CILK1: variants seen among roughly 807,000 people sequenced by gnomAD.
CILK1 encodes ciliogenesis associated kinase 1, also known as serine/threonine-protein kinase ICK.
Under a neutral mutation model 79.2 loss-of-function variants are expected in CILK1, and 47 were observed. The ratio of observed to expected loss-of-function variants is 0.59; its 90% CI spans 0.47 to 0.76. The LOEUF (loss-of-function observed/expected upper bound fraction) is 0.76, where lower values mean the gene tolerates loss of function less well. CILK1 is among the 30% of genes least tolerant of loss of function. The pLI, the probability that CILK1 is intolerant of heterozygous loss-of-function variation, is 0.00. For synonymous variants in CILK1, 266 were observed against 275.9 expected, an observed-to-expected ratio of 0.96 and a Z score of 0.36; for missense variants, 660 against 769.5, an observed-to-expected ratio of 0.86 and a Z score of 1.68.
intron 11 of CILK1, among the ~76,000 whole-genome samples, chr6:53,009,772 T>C (rs1031772606): frequency 1.3e-5 from 2 of 152,234 alleles, no homozygotes; most frequent in Non-Finnish European, 2.9e-5. Flanking sequence ...AGGCCTCTTA[T>C]GCTTCTAAGA....
At chr6:53,024,667 A>G (rs768260513) in intron 5 of CILK1, among the ~76,000 whole-genome samples, 1 of 152,182 alleles carries the variant, frequency 6.6e-6, no homozygotes, top group Non-Finnish European at 1.5e-5. Flanking sequence ...AAAACATTCC[A>G]GTGAAAAAAA....
intron 5 of CILK1, among the ~76,000 whole-genome samples, chr6:53,028,537 G>A (rs547731073): frequency 8.5e-5 from 13 of 152,200 alleles, no homozygotes; most frequent in South Asian, 8.3e-4. Flanking sequence ...ACACCTATTC[G>A]TTCTACCTGA....
At chr6:53,022,253 G>A (rs1271327819) in intron 5 of CILK1, among the ~76,000 whole-genome samples, 1 of 152,114 alleles carries the variant, frequency 6.6e-6, no homozygotes, top group African/African-American at 2.4e-5. Context: ...TGTTTATAAA[G>A]TGTCCTAGAC....
intron 7 of CILK1, among the ~76,000 whole-genome samples, chr6:53,017,901 T>C (rs1764987097): frequency 6.6e-6 from 1 of 152,034 alleles, no homozygotes; most frequent in African/African-American, 2.4e-5. Context: ...AGGAAGCTAG[T>C]AGGGTGTTAA....
At position 53,061,771 on chromosome 6, in the gene CILK1, A is replaced by C. The variant is rs1031536504; in HGVS notation, c.-348T>G. 6 of 152,412 alleles carry C rather than the reference A, an allele frequency of 3.9e-5. No individual in the cohort carries two copies. In the East Asian group the frequency reaches 5.8e-4, roughly 15 times the overall value. The allele number at this position is 152,412 out of a possible 1,614,324, so 9.4% of individuals were successfully genotyped here. On this transcript the variant is annotated 5_prime_UTR_variant, in exon 1 of 14. An upstream start codon of the reference 5' UTR is lost. Transcript: ENST00000676107. ...GCGAGTCGCACGGGCCGCACGGCGC[A>C]TGGTAGTGCAGCAGGAACCCGGCCG...
chr6:53,025,278 G>A (rs1170127796), intron 5 of CILK1, among the ~76,000 whole-genome samples: 1 of 151,974 alleles, frequency 6.6e-6, no homozygotes, highest in Non-Finnish European at 1.5e-5. Flanking sequence ...TGGGTCCTTT[G>A]TTCTGCAGCC....
chr6:53,012,098 G>A lies in CILK1; in HGVS notation c.1282C>T (p.Pro428Ser). 6.2e-7 allele frequency: 1 copy of A among 1,614,212 alleles called. No homozygotes were observed. The highest frequency in any genetic ancestry group is 8.5e-7 in the Non-Finnish European group (1 of 1,180,028). Residue 428 changes from proline (P) to serine (S), a missense_variant, in exon 10 of 14, where the codon CCA (proline) becomes TCA (serine). Coordinates refer to ENST00000676107, the MANE Select transcript of CILK1 (RefSeq NM_014920.5). ...TTCAGGTCAATCCTGCTGAGGGATG[G>A]ACTGAAATCCAAGTCATCCAAGTCA... ...WADLDDLDFS[P>S]SLSRIDLKNK...
At chr6:53,038,609 G>C (rs2127448598) in intron 2 of CILK1, among the ~76,000 whole-genome samples, 1 of 152,220 alleles carries the variant, frequency 6.6e-6, no homozygotes, top group African/African-American at 2.4e-5. Context: ...TTTAAATTGG[G>C]GGACAAGTCA....
chr6:53,010,208 C>T (rs1231050908), intron 11 of CILK1, among the ~76,000 whole-genome samples: 1 of 152,240 alleles, frequency 6.6e-6, no homozygotes, highest in Non-Finnish European at 1.5e-5. Context: ...CTCTCTTCTT[C>T]CAGATCATCC....
chr6:53,018,265 G>A (rs1765006598), intron 7 of CILK1, 65 bp downstream of exon 7: 1 of 1,484,778 alleles, frequency 6.7e-7, no homozygotes, highest in Non-Finnish European at 9.4e-7. Context: ...GCTGAACAGG[G>A]CTGAGCGGAG....
chr6:53,008,449 A>G (rs1764369148), intron 12 of CILK1, among the ~76,000 whole-genome samples: 1 of 150,846 alleles, frequency 6.6e-6, no homozygotes, highest in Non-Finnish European at 1.5e-5. Context: ...TTTTTGAGAC[A>G]GAATCTCACT....
intron 6 of CILK1, 71 bp from the exon 7 acceptor site, chr6:53,018,572 T>C (rs1765031632): frequency 1.4e-6 from 2 of 1,439,204 alleles, no homozygotes; most frequent in Admixed American, 1.7e-5. Context: ...AACAATCAGT[T>C]CTCAGTGAGG....
At chr6:53,038,681 G>A (rs1249530718) in intron 2 of CILK1, among the ~76,000 whole-genome samples, 1 of 152,208 alleles carries the variant, frequency 6.6e-6, no homozygotes, top group Non-Finnish European at 1.5e-5. Context: ...GTTTCTATAA[G>A]TGAAATTTTA....
rs949297344 is a variant in CILK1, at chr6:53,004,548, T to A, written c.*601A>T. On this transcript the variant is annotated 3_prime_UTR_variant, in exon 14 of 14. Transcript: ENST00000676107. ...AAACAAAGTGAATTATATAATATAA[T>A]AGTCCTTTTAGAACAGCAGAGTGGT... is the stretch of plus-strand genomic sequence containing the variant. 6.5e-6 allele frequency: 1 copy of A among 152,768 alleles called. No individual in the cohort carries two copies. Among genetic ancestry groups the A allele is most frequent in the South Asian group, 2.1e-4 (1 of 4,846 alleles). The allele number at this position is 152,768 out of a possible 1,614,324, so 9.5% of individuals were successfully genotyped here.
At chr6:53,054,393 G>C (rs2127469194) in intron 1 of CILK1, among the ~76,000 whole-genome samples, 1 of 152,308 alleles carries the variant, frequency 6.6e-6, no homozygotes, top group East Asian at 1.9e-4. Flanking sequence ...AGTCCTCAAA[G>C]ATTGTTTGAA....
At chr6:53,054,255 G>A (rs79374783) in intron 1 of CILK1, among the ~76,000 whole-genome samples, 1,766 of 152,190 alleles carry the variant, frequency 0.012, 40 homozygotes, top group African/African-American at 0.039. Context: ...TGATGCCATA[G>A]TGCCTTGTCC....
At chr6:53,018,549 C>T in intron 6 of CILK1, 48 bp from the exon 7 acceptor site, 12 of 1,557,314 alleles carry the variant, frequency 7.7e-6, no homozygotes, top group Middle Eastern at 1.7e-4. Context: ...ACCACTCAGA[C>T]ATTAAATTAA....
chr6:53,031,733 G>A, intron 4 of CILK1, among the ~76,000 whole-genome samples: 1 of 152,206 alleles, frequency 6.6e-6, no homozygotes, highest in East Asian at 1.9e-4. Flanking sequence ...CAAAATCCAG[G>A]AAGCTGTGTC....
intron 1 of CILK1, among the ~76,000 whole-genome samples, chr6:53,059,258 G>A (rs1175506411): frequency 6.6e-6 from 1 of 152,160 alleles, no homozygotes; most frequent in African/African-American, 2.4e-5. Flanking sequence ...TTGCACATGA[G>A]ATTAATAGTA....
Sources: gnomAD v4.1 joint callset for allele counts (sites outside exome capture counted in the v4.1 genomes callset) on GRCh38, gnomAD v4.1.1 for gene constraint, MANE v1.5 for transcripts, NCBI Gene and HGNC (gene_info 2026-07-23, HGNC 2026-07-21) for gene names.